The following CHST7 variants were observed in gnomAD, a reference collection of about 807,000 sequenced individuals.
The protein encoded by CHST7 is carbohydrate sulfotransferase 7, also known as N-acetylglucosamine 6-O-sulfotransferase 4.
In CHST7, 5 loss-of-function variants were observed where a neutral mutation model predicts 9.0. The ratio of observed to expected loss-of-function variants is 0.56; its 90% CI spans 0.29 to 1.17. CHST7 has a LOEUF of 1.17. Among genes scored for constraint, CHST7 ranks in the 50% most tolerant of loss-of-function variants. The pLI is 0.08. For missense variants in CHST7, 377 were observed against 485.1 expected, an observed-to-expected ratio of 0.78 and a Z score of 2.09; for synonymous variants, 244 against 237.1, an observed-to-expected ratio of 1.03 and a Z score of -0.27.
intron 1 of CHST7, among the ~76,000 whole-genome samples, chrX:46,591,121 G>C (rs1942571168): frequency 2.7e-5 from 3 of 112,002 alleles, no homozygotes; most frequent in African/African-American, 9.7e-5. Flanking sequence ...TTCAGTTTTT[G>C]GCTATTACAA....
chrX:46,573,814 G>A lies in CHST7; in HGVS notation c.-118G>A, dbSNP rs924837688. 2.0e-5 allele frequency: 21 copies of A among 1,030,427 alleles called. No homozygotes were observed. Among genetic ancestry groups the A allele is most frequent in the Non-Finnish European group, 2.5e-5 (20 of 793,915 alleles). 84.9% of individuals were successfully genotyped at this position (1,030,427 alleles called of 1,213,427 possible). A position where few individuals can be genotyped will look rare whatever the true frequency, so the allele number is the denominator to read the frequency against. On this transcript the variant is annotated 5_prime_UTR_variant, in exon 1 of 2. Transcript: ENST00000276055. ...TCCCCTTGTGGATGCGCGGCCCCGC[G>A]GCTCTGCTCCTCCCGGCGCAGAGGG...
intron 1 of CHST7, among the ~76,000 whole-genome samples, chrX:46,583,211 C>T (rs1325303018): frequency 9.0e-6 from 1 of 111,519 alleles, no homozygotes; most frequent in Non-Finnish European, 1.9e-5. Context: ...GTGAGGTCTC[C>T]TGGCTCCTCA....
chrX:46,577,484 CAA>C (rs776529468), intron 1 of CHST7, among the ~76,000 whole-genome samples: 3 of 111,524 alleles, frequency 2.7e-5, no homozygotes, highest in Admixed American at 1.9e-4. Flanking sequence ...ATGGGTTTTC[CAA>C]AAGTTTGTCA....
intron 1 of CHST7, among the ~76,000 whole-genome samples, chrX:46,581,480 A>G (rs1942525333): frequency 9.5e-6 from 1 of 104,960 alleles, no homozygotes; most frequent in African/African-American, 3.5e-5. Context: ...TGCTTGAACC[A>G]GGGAGGCAGA....
intron 1 of CHST7, among the ~76,000 whole-genome samples, chrX:46,580,502 G>A (rs1442589763): frequency 8.9e-6 from 1 of 112,090 alleles, no homozygotes; most frequent in Non-Finnish European, 1.9e-5. Context: ...GTGCGCATGT[G>A]TGTGTGCACA....
intron 1 of CHST7, among the ~76,000 whole-genome samples, chrX:46,587,926 A>G (rs966686982): frequency 2.5e-4 from 28 of 111,936 alleles, no homozygotes; most frequent in Admixed American, 2.2e-3. Context: ...AGGACGCTCA[A>G]GCCCTTCCTC....
Position 46,574,754 on chromosome X carries a change from C to T in CHST7, c.823C>T (p.Gln275Ter). 1 of 1,208,305 alleles carries T rather than the reference C, an allele frequency of 8.3e-7. No homozygotes were observed. The highest frequency in any genetic ancestry group is 1.1e-6 in the Non-Finnish European group (1 of 893,751). The change falls in exon 1 of 2, where the codon CAG becomes TAG. Residue 275 changes from glutamine (Q) to a stop codon, truncating the protein, a stop_gained. Transcript: ENST00000276055. LOFTEE classifies it low-confidence loss of function (END_TRUNC). ...RDPGLNLKVV[Q>*]LFRDPRAVHN... ...TCCAGGCCTCAACCTGAAGGTGGTG[C>T]AGCTTTTCCGCGACCCGAGGGCGGT...
intron 1 of CHST7, among the ~76,000 whole-genome samples, chrX:46,578,648 A>G (rs1485738320): frequency 9.2e-6 from 1 of 108,640 alleles, no homozygotes; most frequent in East Asian, 2.9e-4. Context: ...TTAGTCTCGT[A>G]CTCCTGAGCT....
chrX:46,581,249 A>AAAAAAT (rs1556028613), intron 1 of CHST7, among the ~76,000 whole-genome samples: 1 of 89,847 alleles, frequency 1.1e-5, no homozygotes, highest in Non-Finnish European at 2.2e-5. Flanking sequence ...AAAAAAAAAA[A>AAAAAAT]AATAATAATA....
chrX:46,585,967 C>T (rs1942547816), intron 1 of CHST7, among the ~76,000 whole-genome samples: 1 of 111,073 alleles, frequency 9.0e-6, no homozygotes, highest in African/African-American at 3.3e-5. Context: ...AGGCTGGTCT[C>T]AACCTCCTGA....
At position 46,586,963 on chromosome X, in the gene CHST7, G is replaced by A. The variant is rs759046873; in HGVS notation, c.*32-10797G>A. Reference sequence around the variant, plus strand: ...TTGGTCAGGCTGGTCTCAAACTCCCGACCTCAGCTGATCCACCCGCCTCGG... The same window carrying A: ...TTGGTCAGGCTGGTCTCAAACTCCCAACCTCAGCTGATCCACCCGCCTCGG... On this transcript the variant is annotated intron_variant, in intron 1 of 1. Coordinates refer to ENST00000276055, the MANE Select transcript of CHST7 (RefSeq NM_019886.4). Among the ~76,000 whole-genome samples the A allele has an allele frequency of 8.1e-5, 9 of 110,648 alleles. No individual in the cohort carries two copies. In the East Asian group the frequency reaches 2.3e-3, roughly 28 times the overall value.
At chrX:46,587,520 T>C (rs1797733524) in intron 1 of CHST7, among the ~76,000 whole-genome samples, 1 of 112,351 alleles carries the variant, frequency 8.9e-6, no homozygotes, top group Non-Finnish European at 1.9e-5. Context: ...AGATTAAATG[T>C]CTGGAAATTA....
chrX:46,584,336 A>G (rs899811054), intron 1 of CHST7, among the ~76,000 whole-genome samples: 2 of 110,441 alleles, frequency 1.8e-5, no homozygotes, highest in Admixed American at 9.6e-5. Context: ...TTGGGAGTTC[A>G]AGACCAGCCT....
chrX:46,581,222 C>T (rs1249832369), intron 1 of CHST7, among the ~76,000 whole-genome samples: 1 of 91,575 alleles, frequency 1.1e-5, no homozygotes, highest in African/African-American at 4.1e-5. Context: ...GTGATAGAGC[C>T]AGACTCTGTC....
chrX:46,575,272 G>C lies in CHST7; in HGVS notation c.1341G>C (p.Glu447Asp). The C allele has an allele frequency of 1.8e-6, 2 of 1,107,290 alleles. No homozygotes were observed. The highest frequency in any genetic ancestry group is 4.3e-5 in the South Asian group (2 of 47,025). The allele number at this position is 1,107,290 out of a possible 1,213,427, so 91.3% of individuals were successfully genotyped here. A position where few individuals can be genotyped will look rare whatever the true frequency, so the allele number is the denominator to read the frequency against. The change falls in exon 1 of 2, where the codon GAG (glutamate) becomes GAC (aspartate). Residue 447 changes from glutamate (E) to aspartate (D), a missense_variant. Glu to Asp is a conservative substitution (Grantham distance 45). Coordinates refer to ENST00000276055, the MANE Select transcript of CHST7 (RefSeq NM_019886.4). ...GCCGAGAGCAGGTGCGCCAGGTGGA[G>C]GCCGCCTGCGCTCCAGCCATGCGTC... ...RLSREQVRQV[E>D]AACAPAMRLL...
chrX:46,587,560 G>A (rs758065797), intron 1 of CHST7, among the ~76,000 whole-genome samples: 9 of 112,002 alleles, frequency 8.0e-5, no homozygotes, highest in African/African-American at 6.5e-5. Flanking sequence ...TTTAAAGTAC[G>A]TTTCCAGGCT....
intron 1 of CHST7, among the ~76,000 whole-genome samples, chrX:46,576,248 T>A (rs1942499191): frequency 9.4e-6 from 1 of 106,778 alleles, no homozygotes. Context: ...TGCAGGATAT[T>A]TGACCATATC....
Position 46,597,910 on chromosome X carries a change from T to C in CHST7, c.*182T>C, listed in dbSNP as rs1286925623. 8.8e-6 allele frequency: 1 copy of C among 113,091 alleles called. No individual in the cohort carries two copies. The highest frequency in any genetic ancestry group is 3.2e-5 in the African/African-American group (1 of 31,089). 9.3% of individuals were successfully genotyped at this position (113,091 alleles called of 1,213,427 possible). A position where few individuals can be genotyped will look rare whatever the true frequency, so the allele number is the denominator to read the frequency against. ...TCTGCTGAGCAGGAATATCATGAGC[T>C]GTTCAATAATGACGGACGCATTGGT... On this transcript the variant is annotated 3_prime_UTR_variant, in exon 2 of 2. Coordinates refer to ENST00000276055, the MANE Select transcript of CHST7 (RefSeq NM_019886.4).
intron 1 of CHST7, among the ~76,000 whole-genome samples, chrX:46,585,970 C>T (rs1407524880): frequency 1.8e-5 from 2 of 110,977 alleles, no homozygotes; most frequent in African/African-American, 6.6e-5. Context: ...CTGGTCTCAA[C>T]CTCCTGACAA....
Sources: gnomAD v4.1 joint callset for allele counts (sites outside exome capture counted in the v4.1 genomes callset) on GRCh38, gnomAD v4.1.1 for gene constraint, MANE v1.5 for transcripts, NCBI Gene and HGNC (gene_info 2026-07-23, HGNC 2026-07-21) for gene names.